The following ZNF644 variants were observed in gnomAD, a reference collection of about 807,000 sequenced individuals.
ZNF644 encodes zinc finger motif enhancer binding protein 2.
Under a neutral mutation model 108.0 loss-of-function variants are expected in ZNF644, and 20 were observed. That is an observed-to-expected ratio of 0.19 (90% CI 0.13 to 0.27). The LOEUF (loss-of-function observed/expected upper bound fraction) is 0.27, where lower values mean the gene tolerates loss of function less well. ZNF644 is among the 10% of genes least tolerant of loss of function. The pLI, the probability that ZNF644 is intolerant of heterozygous loss-of-function variation, is 1.00. For synonymous variants in ZNF644, 542 were observed against 539.1 expected, an observed-to-expected ratio of 1.01 and a Z score of -0.08; for missense variants, 1,338 against 1,548.9, an observed-to-expected ratio of 0.86 and a Z score of 2.29.
chr1:90,973,628 A>G (rs1254182180), intron 2 of ZNF644, among the ~76,000 whole-genome samples: 1 of 152,200 alleles, frequency 6.6e-6, no homozygotes, highest in Non-Finnish European at 1.5e-5. Context: ...AAGTGTAGAA[A>G]GAGTAAACAT....
intron 1 of ZNF644, among the ~76,000 whole-genome samples, chr1:91,019,089 CA>C (rs1660663800): frequency 6.6e-6 from 1 of 152,104 alleles, no homozygotes; most frequent in Admixed American, 6.5e-5. Context: ...AACCTTAAAA[CA>C]ATTTAACTTT....
At position 90,989,386 on chromosome 1, in the gene ZNF644, TA is replaced by T. The variant is rs1217532004; in HGVS notation, c.-17-7017del. Among the ~76,000 whole-genome samples, 12 of 151,428 alleles carry T rather than the reference TA, an allele frequency of 7.9e-5. No homozygotes were observed. In the East Asian group the frequency reaches 2.3e-3, roughly 29 times the overall value. ...CAACATGGCAAGACCTTGTCTCTAC[TA>T]AAAAAAATAAATAGGTGTGGTAGCA... On this transcript the variant is annotated intron_variant, in intron 1 of 5. Transcript: ENST00000337393.
chr1:90,963,403 T>C (rs778065951), intron 2 of ZNF644, among the ~76,000 whole-genome samples: 11 of 152,124 alleles, frequency 7.2e-5, no homozygotes, highest in Admixed American at 2.0e-4. Context: ...TACAACCATT[T>C]TGAAAACAAT....
At chr1:90,994,617 T>TA (rs1396829969) in intron 1 of ZNF644, among the ~76,000 whole-genome samples, 1 of 152,226 alleles carries the variant, frequency 6.6e-6, no homozygotes, top group Non-Finnish European at 1.5e-5. Context: ...AGCACTGTAT[T>TA]ACTGAATCTG....
chr1:90,990,654 G>A (rs577375143), intron 1 of ZNF644, among the ~76,000 whole-genome samples: 1 of 152,104 alleles, frequency 6.6e-6, no homozygotes, highest in Non-Finnish European at 1.5e-5. Context: ...CACAAAGAAC[G>A]CCCTCAAGTA....
intron 2 of ZNF644, among the ~76,000 whole-genome samples, chr1:90,954,003 T>C (rs542295619): frequency 8.5e-5 from 13 of 152,266 alleles, no homozygotes; most frequent in African/African-American, 3.1e-4. Flanking sequence ...TTCAGTGAGT[T>C]TGATTCTTTT....
At chr1:90,999,927 C>A (rs999755807) in intron 1 of ZNF644, among the ~76,000 whole-genome samples, 8 of 152,044 alleles carry the variant, frequency 5.3e-5, no homozygotes, top group Middle Eastern at 3.4e-3. Flanking sequence ...AACAAAGATC[C>A]AAAGAGACAA....
At chr1:90,965,520 T>G (rs74788764) in intron 2 of ZNF644, among the ~76,000 whole-genome samples, 1,701 of 152,278 alleles carry the variant, frequency 0.011, 14 homozygotes, top group South Asian at 0.021. Flanking sequence ...ACATAAGAAT[T>G]TGGAGGAGGA....
chr1:90,928,989 G>A (rs984185286), intron 4 of ZNF644, among the ~76,000 whole-genome samples: 6 of 151,960 alleles, frequency 3.9e-5, no homozygotes, highest in South Asian at 2.1e-4. Flanking sequence ...CTGGCTCAGC[G>A]ATGAACAGTC....
At chr1:90,946,199 T>C (rs1209389722) in intron 2 of ZNF644, among the ~76,000 whole-genome samples, 1 of 152,048 alleles carries the variant, frequency 6.6e-6, no homozygotes, top group Non-Finnish European at 1.5e-5. Context: ...TGTACAAACA[T>C]ATATACCTAA....
At chr1:91,018,290 A>G (rs1490489812) in intron 1 of ZNF644, among the ~76,000 whole-genome samples, 1 of 152,222 alleles carries the variant, frequency 6.6e-6, no homozygotes, top group Admixed American at 6.5e-5. Context: ...AACAGCAGCT[A>G]TTTATTTCCC....
intron 1 of ZNF644, among the ~76,000 whole-genome samples, chr1:90,986,892 CAT>C (rs1230063824): frequency 2.6e-5 from 4 of 151,678 alleles, no homozygotes; most frequent in East Asian, 1.9e-4. Context: ...AAAATCCACA[CAT>C]GTGGAAATTA....
chr1:90,953,007 A>G (rs1264556322), intron 2 of ZNF644, among the ~76,000 whole-genome samples: 5 of 146,222 alleles, frequency 3.4e-5, no homozygotes, highest in African/African-American at 1.3e-4. Context: ...CAACAATTAG[A>G]CTGAGGAAAA....
intron 2 of ZNF644, among the ~76,000 whole-genome samples, chr1:90,963,836 C>T (rs1456037847): frequency 6.6e-6 from 1 of 152,062 alleles, no homozygotes; most frequent in African/African-American, 2.4e-5. Flanking sequence ...TTCTATTTCT[C>T]GATCTGTGGT....
At position 90,935,641 on chromosome 1, in the gene ZNF644, A is replaced by C. The variant is rs1037683615; in HGVS notation, c.3688+1844T>G. On this transcript the variant is annotated intron_variant, in intron 4 of 5. Transcript: ENST00000337393. ...ATAAAGATGGTTTTCAAAACGTTCA[A>C]TGAAATAGGTTAACTTAAAATAAGG... 32 of 706,786 alleles carry C rather than the reference A, an allele frequency of 4.5e-5. 1 individual carries two copies. The Admixed American group carries it at 1.5e-3, about 33-fold the overall frequency. The allele number at this position is 706,786 out of a possible 1,614,324, so 43.8% of individuals were successfully genotyped here.
Position 90,940,727 on chromosome 1 carries a change from C to T in ZNF644, c.627G>A (p.Gly209=). ...SVGCDIQNSV[G]SNIKSDGTLI... Reference sequence around the variant, plus strand: ...AAGTGCCATCTGACTTTATATTACTCCCTACTGAATTCTGAATGTCACAAC... The same window carrying T: ...AAGTGCCATCTGACTTTATATTACTTCCTACTGAATTCTGAATGTCACAAC... Residue 209 remains glycine (G), a synonymous_variant, in exon 3 of 6, where the codon GGG becomes GGA. Transcript: ENST00000337393. The T allele has an allele frequency of 1.2e-6, 2 of 1,614,054 alleles. No homozygotes were observed. The highest frequency in any genetic ancestry group is 1.7e-6 in the Non-Finnish European group (2 of 1,179,990).
intron 1 of ZNF644, among the ~76,000 whole-genome samples, chr1:91,003,895 G>A (rs1384884516): frequency 1.3e-5 from 2 of 151,742 alleles, no homozygotes; most frequent in Non-Finnish European, 2.9e-5. Context: ...ATCAATAAAA[G>A]ATAAAAAATT....
intron 4 of ZNF644, among the ~76,000 whole-genome samples, chr1:90,925,432 G>A (rs1456355870): frequency 6.6e-6 from 1 of 152,000 alleles, no homozygotes; most frequent in East Asian, 1.9e-4. Flanking sequence ...AGGGCAACTT[G>A]AACCTATGCT....
chr1:90,937,257 C>T (rs1651421998), intron 4 of ZNF644, among the ~76,000 whole-genome samples: 1 of 151,634 alleles, frequency 6.6e-6, no homozygotes, highest in Non-Finnish European at 1.5e-5. Context: ...TTGTTCTCAC[C>T]TTACATTCAG....
Sources: gnomAD v4.1 joint callset for allele counts (sites outside exome capture counted in the v4.1 genomes callset) on GRCh38, gnomAD v4.1.1 for gene constraint, MANE v1.5 for transcripts, NCBI Gene and HGNC (gene_info 2026-07-23, HGNC 2026-07-21) for gene names.